Variants in BAMBI observed in about 807,000 individuals in gnomAD.
BAMBI encodes the protein BMP and activin membrane bound inhibitor.
BAMBI carries 21 observed loss-of-function variants against 24.1 expected under a neutral mutation model. That is an observed-to-expected ratio of 0.87 (90% CI 0.62 to 1.26). The LOEUF (loss-of-function observed/expected upper bound fraction) is 1.26, where lower values mean the gene tolerates loss of function less well. Ranked by LOEUF, BAMBI falls within the 50% of genes most tolerant of loss-of-function variation. BAMBI has a pLI of 0.00. For synonymous variants in BAMBI, 156 were observed against 123.1 expected, an observed-to-expected ratio of 1.27 and a Z score of -1.77; for missense variants, 388 against 329.1, an observed-to-expected ratio of 1.18 and a Z score of -1.38.
intron 1 of BAMBI, among the ~76,000 whole-genome samples, chr10:28,678,309 T>A (rs1383734145): frequency 2.6e-5 from 4 of 152,206 alleles, no homozygotes; most frequent in Non-Finnish European, 2.9e-5. Flanking sequence ...TCGCAGATCC[T>A]GGCCTGTAGC....
chr10:28,677,727 G>C lies in BAMBI; in HGVS notation c.-171G>C. Reference sequence around the variant, plus strand: ...GAAACTTTTCTGGGCTCCTGGGCGCGCCCTGTAGCCGCGCTCCATGCTCCG... The same window carrying C: ...GAAACTTTTCTGGGCTCCTGGGCGCCCCCTGTAGCCGCGCTCCATGCTCCG... On this transcript the variant is annotated 5_prime_UTR_variant, in exon 1 of 3. Transcript: ENST00000375533. 1 of 317,910 alleles carries C rather than the reference G, an allele frequency of 3.1e-6. No homozygotes were observed. Among genetic ancestry groups the C allele is most frequent in the Non-Finnish European group, 5.5e-6 (1 of 181,266 alleles). The allele number at this position is 317,910 out of a possible 1,614,324, so 19.7% of individuals were successfully genotyped here. A position where few individuals can be genotyped will look rare whatever the true frequency, so the allele number is the denominator to read the frequency against.
At chr10:28,680,104 G>A (rs1378185796) in intron 1 of BAMBI, among the ~76,000 whole-genome samples, 3 of 152,178 alleles carry the variant, frequency 2.0e-5, no homozygotes, top group Admixed American at 6.5e-5. Flanking sequence ...AAAGGTAAGG[G>A]TGGGAAGAGG....
intron 1 of BAMBI, among the ~76,000 whole-genome samples, chr10:28,678,368 TGTGA>T (rs1258333369): frequency 6.6e-6 from 1 of 152,212 alleles, no homozygotes; most frequent in Non-Finnish European, 1.5e-5. Flanking sequence ...GGTGTATTTC[TGTGA>T]GTGTGTCTCT....
chr10:28,681,606 G>A (rs1248510238), intron 2 of BAMBI, 61 bp downstream of exon 2: 8 of 1,522,586 alleles, frequency 5.3e-6, no homozygotes, highest in African/African-American at 1.4e-5. Context: ...TGACAGCCAC[G>A]ACTTTGTATG....
rs74127284 is a variant in BAMBI at position 28,678,407 on chromosome 10, T to G, written c.76+434T>G. ...TGAGTCTCAGTATCCCTAAATGCAT[T>G]TTTGTGTCTCTGAGTGTCGTTGTGT... On this transcript the variant is annotated intron_variant, in intron 1 of 2. Transcript: ENST00000375533. Among the ~76,000 whole-genome samples the G allele has an allele frequency of 3.5e-3, 528 of 152,202 alleles. 1 individual carries two copies. The highest frequency in any genetic ancestry group is 0.012 in the African/African-American group (509 of 41,538).
intron 1 of BAMBI, among the ~76,000 whole-genome samples, chr10:28,680,336 A>G (rs779131336): frequency 1.3e-5 from 2 of 152,198 alleles, no homozygotes; most frequent in African/African-American, 2.4e-5. Context: ...CTGCGACAAA[A>G]TGTGAACGGA....
rs1472475333 is a variant in BAMBI at position 28,681,340 on chromosome 10, T to C, written c.159T>C (p.Ser53=). The change falls in exon 2 of 3, where the codon TCT becomes TCC. Residue 53 remains serine, a synonymous_variant. Coordinates refer to ENST00000375533, the MANE Select transcript of BAMBI (RefSeq NM_012342.3). ...AATCTGAGCTCAGCGCCTGCTTCTC[T>C]AGACTTCTTGATCCTCAGAACTCAA... ...MCKSELSACF[S]RLLDPQNSNS... 2 of 1,614,098 alleles carry C rather than the reference T, an allele frequency of 1.2e-6. No individual in the cohort carries two copies. Among genetic ancestry groups the C allele is most frequent in the African/African-American group, 2.7e-5 (2 of 74,938 alleles).
At chr10:28,678,179 G>T (rs572637071) in intron 1 of BAMBI, among the ~76,000 whole-genome samples, 2 of 152,358 alleles carry the variant, frequency 1.3e-5, no homozygotes, top group East Asian at 3.9e-4. Context: ...CTGATCAGAG[G>T]GTCCTCCTGG....
rs372403836 is a variant in BAMBI at position 28,682,123 on chromosome 10, A to G, written c.505A>G (p.Ile169Val). Residue 169 changes from isoleucine (I) to valine (V), a missense_variant, in exon 3 of 3, where the codon ATT (isoleucine) becomes GTT (valine). Coordinates refer to ENST00000375533, the MANE Select transcript of BAMBI (RefSeq NM_012342.3). ...TGGAGGGCTGATTTTAGTGTTGCTT[A>G]TTATGTTGGCCCTGAGGATGCTTCG... Reference protein sequence around the residue: ...IAGGLILVLLIMLALRMLRSE... With the variant: ...IAGGLILVLLVMLALRMLRSE... 1.1e-5 allele frequency: 17 copies of G among 1,613,980 alleles called. No homozygotes were observed. In the East Asian group the frequency reaches 2.9e-4, roughly 27 times the overall value.
chr10:28,681,931 T>C, intron 2 of BAMBI, 52 bp from the exon 3 acceptor site: 1 of 1,462,158 alleles, frequency 6.8e-7, no homozygotes, highest in Non-Finnish European at 9.3e-7. Flanking sequence ...ATTATGAATA[T>C]CCCTAGGAGG....
chr10:28,678,068 C>T (rs1167549730), intron 1 of BAMBI, 95 bp downstream of exon 1: 61 of 1,143,068 alleles, frequency 5.3e-5, no homozygotes, highest in South Asian at 6.3e-5. Flanking sequence ...GGCGAGGCTC[C>T]CTCCTGCGCC....
In BAMBI at chr10:28,677,925, A is replaced by T; in HGVS notation, c.28A>T (p.Ile10Phe). 6.5e-7 allele frequency: 1 copy of T among 1,531,128 alleles called. No homozygotes were observed. 94.8% of individuals were successfully genotyped at this position (1,531,128 alleles called of 1,614,324 possible). ...GGATCGCCACTCCAGCTACATCTTC[A>T]TCTGGCTGCAGCTGGAGCTCTGCGC... MDRHSSYIFIWLQLELCAMA... is the reference protein window; with the variant it reads MDRHSSYIFFWLQLELCAMA... The change falls in exon 1 of 3, where the codon ATC (isoleucine) becomes TTC (phenylalanine). Residue 10 changes from isoleucine (I) to phenylalanine (F), a missense_variant. Ile to Phe is a conservative substitution (Grantham distance 21). Transcript: ENST00000375533.
intron 2 of BAMBI, 116 bp from the exon 3 acceptor site, chr10:28,681,864 CGTT>C: frequency 9.4e-7 from 1 of 1,066,492 alleles, no homozygotes; most frequent in Non-Finnish European, 1.4e-6. Context: ...TTCTAAATAT[CGTT>C]GATTTAATTG....
In BAMBI at chr10:28,678,071, C is replaced by T. The variant is rs578147549; in HGVS notation, c.76+98C>T. The stretch of plus-strand genomic sequence containing the variant: ...TTGTTAGCGGCAGGCGAGGCTCCCT[C>T]CTGCGCCGGAGCCGCAGGTCGCGAC... On this transcript the variant is annotated intron_variant, in intron 1 of 2. Coordinates refer to ENST00000375533, the MANE Select transcript of BAMBI (RefSeq NM_012342.3). 4.7e-4 allele frequency: 525 copies of T among 1,123,104 alleles called. 2 individuals carry two copies. In the African/African-American group the frequency reaches 7.5e-3, roughly 16 times the overall value. 69.6% of individuals were successfully genotyped at this position (1,123,104 alleles called of 1,614,324 possible). A position where few individuals can be genotyped will look rare whatever the true frequency, so the allele number is the denominator to read the frequency against.
Position 28,678,706 on chromosome 10 carries a change from A to G in BAMBI, c.76+733A>G, listed in dbSNP as rs996575604. Among the ~76,000 whole-genome samples the G allele has an allele frequency of 9.3e-5, 14 of 151,010 alleles. No homozygotes were observed. The South Asian group carries it at 1.9e-3, about 20-fold the overall frequency. ...GAGCGAGTGTGTGGGTCTCCCTGAG[A>G]GTTTAGGTGTCCGAGGTGTGCAGAA... On this transcript the variant is annotated intron_variant, in intron 1 of 2. Transcript: ENST00000375533.
intron 1 of BAMBI, 26 bp downstream of exon 1, chr10:28,677,999 C>T: frequency 6.6e-7 from 1 of 1,505,506 alleles, no homozygotes; most frequent in South Asian, 1.2e-5. Flanking sequence ...GCACGGGGCC[C>T]GGGGTCCCGT....
rs1183589546 is a variant in BAMBI, at chr10:28,682,167, G to A, written c.549G>A (p.Leu183=). 6.2e-7 allele frequency: 1 copy of A among 1,614,050 alleles called. No homozygotes were observed. Among genetic ancestry groups the A allele is most frequent in the African/African-American group, 1.3e-5 (1 of 74,910 alleles). Residue 183 remains leucine, a synonymous_variant, in exon 3 of 3, where the codon CTG becomes CTA. Transcript: ENST00000375533. ...LRMLRSENKR[L]QDQRQQMLSR... Reference sequence around the variant, plus strand: ...TGCTTCGAAGTGAAAATAAGAGGCTGCAGGATCAGCGGCAACAGATGCTCT... The same window carrying A: ...TGCTTCGAAGTGAAAATAAGAGGCTACAGGATCAGCGGCAACAGATGCTCT...
chr10:28,677,885 G>C lies in BAMBI; in HGVS notation c.-13G>C. 6.7e-7 allele frequency: 1 copy of C among 1,500,480 alleles called. No homozygotes were observed. The highest frequency in any genetic ancestry group is 1.2e-5 in the South Asian group (1 of 80,434). The allele number at this position is 1,500,480 out of a possible 1,614,324, so 92.9% of individuals were successfully genotyped here. A position where few individuals can be genotyped will look rare whatever the true frequency, so the allele number is the denominator to read the frequency against. ...GGAAGCCGGCGGGGGCGCCGCGGCC[G>C]TGCGGGGCGTCAATGGATCGCCACT... On this transcript the variant is annotated 5_prime_UTR_variant, in exon 1 of 3. Transcript: ENST00000375533.
chr10:28,680,666 T>C (rs1252504172), intron 1 of BAMBI, among the ~76,000 whole-genome samples: 1 of 152,242 alleles, frequency 6.6e-6, no homozygotes, highest in Non-Finnish European at 1.5e-5. Context: ...CTCCTCTGCA[T>C]GAAAAGATCT....
Sources: gnomAD v4.1 joint callset for allele counts (sites outside exome capture counted in the v4.1 genomes callset) on GRCh38, gnomAD v4.1.1 for gene constraint, MANE v1.5 for transcripts, NCBI Gene and HGNC (gene_info 2026-07-23, HGNC 2026-07-21) for gene names.